Variants in C1orf185 observed in about 807,000 individuals in gnomAD.
The protein encoded by C1orf185 is uncharacterized protein C1orf185.
A neutral mutation model predicts 16.1 loss-of-function variants in C1orf185; 13 were observed. That is an observed-to-expected ratio of 0.81 (90% CI 0.53 to 1.28). The LOEUF is 1.28. Among genes scored for constraint, C1orf185 ranks in the 50% most tolerant of loss-of-function variants. The pLI, the probability that C1orf185 is intolerant of heterozygous loss-of-function variation, is 0.00. For synonymous variants in C1orf185, 80 were observed against 76.9 expected, an observed-to-expected ratio of 1.04 and a Z score of -0.21; for missense variants, 220 against 225.2, an observed-to-expected ratio of 0.98 and a Z score of 0.15.
intron 2 of C1orf185, among the ~76,000 whole-genome samples, chr1:51,118,163 G>A (rs193261074): frequency 1.1e-3 from 160 of 152,140 alleles, no homozygotes; most frequent in African/African-American, 3.5e-3. Context: ...CAAGTGATCC[G>A]CCCGCCTTGA....
At chr1:51,128,898 G>GTTTTT (rs900501387) in intron 3 of C1orf185, among the ~76,000 whole-genome samples, 1 of 151,504 alleles carries the variant, frequency 6.6e-6, no homozygotes, top group African/African-American at 2.4e-5. Flanking sequence ...GTTTTGTTTT[G>GTTTTT]TTTTGAGATG....
Position 51,147,421 on chromosome 1 carries a change from G to A in C1orf185, c.296-46G>A, listed in dbSNP as rs1422539782. On this transcript the variant is annotated intron_variant, in intron 4 of 4. Coordinates refer to ENST00000371759, the MANE Select transcript of C1orf185 (RefSeq NM_001136508.2). ...TCTGACATTGTCCTTATAATTAAGA[G>A]TTGGCTTGTGAATATATAATATTCA... The A allele has an allele frequency of 7.7e-6, 11 of 1,426,808 alleles. No individual in the cohort carries two copies. In the South Asian group the frequency reaches 1.3e-4, roughly 17 times the overall value. The allele number at this position is 1,426,808 out of a possible 1,614,324, so 88.4% of individuals were successfully genotyped here. A position where few individuals can be genotyped will look rare whatever the true frequency, so the allele number is the denominator to read the frequency against.
chr1:51,133,709 A>T (rs914125564), intron 3 of C1orf185, among the ~76,000 whole-genome samples: 1 of 152,250 alleles, frequency 6.6e-6, no homozygotes, highest in Non-Finnish European at 1.5e-5. Flanking sequence ...AATGGGCCTG[A>T]TAGACATCTG....
At chr1:51,118,914 T>G in intron 3 of C1orf185, 113 bp downstream of exon 3, 2 of 860,982 alleles carry the variant, frequency 2.3e-6, no homozygotes, top group Non-Finnish European at 3.2e-6. Context: ...ATTTTTTAAT[T>G]TGAGGGACAA....
Position 51,120,732 on chromosome 1 carries a change from C to T in C1orf185, c.258+1931C>T, listed in dbSNP as rs190023059. Among the ~76,000 whole-genome samples, 394 of 152,242 alleles carry T rather than the reference C, an allele frequency of 2.6e-3. 14 individuals carry two copies. The South Asian group carries it at 0.076, about 30-fold the overall frequency. ...GATATAATAATACCATCATACTTAA[C>T]GATGTATAGACACTAATAGACAATT... is the stretch of plus-strand genomic sequence containing the variant. On this transcript the variant is annotated intron_variant, in intron 3 of 4. Coordinates refer to ENST00000371759, the MANE Select transcript of C1orf185 (RefSeq NM_001136508.2).
downstream of C1orf185, among the ~76,000 whole-genome samples, chr1:51,149,188 G>A (rs1557655520): frequency 6.6e-6 from 1 of 151,522 alleles, no homozygotes; most frequent in Non-Finnish European, 1.5e-5. Context: ...AATCCCCTTG[G>A]GAAAAAACGA....
intron 2 of C1orf185, 36 bp from the exon 3 acceptor site, chr1:51,118,630 C>A: frequency 8.5e-7 from 1 of 1,173,576 alleles, no homozygotes; most frequent in South Asian, 2.3e-5. Flanking sequence ...TAATCTAACT[C>A]AGGTTTAATA....
At chr1:51,143,053 C>T (rs144268588) in intron 3 of C1orf185, among the ~76,000 whole-genome samples, 8 of 152,222 alleles carry the variant, frequency 5.3e-5, no homozygotes, top group Admixed American at 2.0e-4. Context: ...TGTGAGCCAC[C>T]GTGCCCAGCC....
Position 51,132,696 on chromosome 1 carries a change from G to T in C1orf185, c.259-13028G>T, listed in dbSNP as rs74735506. 7.1e-3 allele frequency among the ~76,000 whole-genome samples: 1,073 copies of T among 151,930 alleles called. 7 individuals are homozygous for T. Among genetic ancestry groups the T allele is most frequent in the African/African-American group, 0.026 (1,061 of 41,446 alleles). On this transcript the variant is annotated intron_variant, in intron 3 of 4. Coordinates refer to ENST00000371759, the MANE Select transcript of C1orf185 (RefSeq NM_001136508.2). Reference sequence around the variant, plus strand: ...CAGGATACCATCCATCTCTTTCAGGGGACTACAGAGAACTCCAGTAAGATA... The same window carrying T: ...CAGGATACCATCCATCTCTTTCAGGTGACTACAGAGAACTCCAGTAAGATA...
At position 51,147,685 on chromosome 1, in the gene C1orf185, G is replaced by A; in HGVS notation, c.514G>A (p.Glu172Lys). The A allele has an allele frequency of 6.4e-7, 1 of 1,551,358 alleles. No homozygotes were observed. The highest frequency in any genetic ancestry group is 8.7e-7 in the Non-Finnish European group (1 of 1,146,828). ...GAACTCTCCAATGCCTTCTCTCGGG[G>A]AACCTCTAATGGAAAAAGTATTTTC... ...KRNSPMPSLG[E>K]PLMEKVFSYL... The change falls in exon 5 of 5, where the codon GAA becomes AAA. Residue 172 changes from glutamate (E) to lysine (K), a missense_variant. Transcript: ENST00000371759.
At chr1:51,138,071 G>C (rs1188558100) in intron 3 of C1orf185, among the ~76,000 whole-genome samples, 2 of 152,118 alleles carry the variant, frequency 1.3e-5, no homozygotes, top group Non-Finnish European at 2.9e-5. Context: ...GGTGAGAGAA[G>C]GGAGAGAATC....
chr1:51,126,017 A>G (rs371037573), intron 3 of C1orf185, among the ~76,000 whole-genome samples: 1 of 151,942 alleles, frequency 6.6e-6, no homozygotes, highest in East Asian at 1.9e-4. Flanking sequence ...AAAACAGGGA[A>G]CCCCCTCACT....
At chr1:51,127,885 GTTTT>G (rs769457494) in intron 3 of C1orf185, among the ~76,000 whole-genome samples, 1 of 115,304 alleles carries the variant, frequency 8.7e-6, no homozygotes, top group Non-Finnish European at 1.8e-5. Flanking sequence ...TCTTTTCTTT[GTTTT>G]TTTTTTTTTT....
chr1:51,112,548 G>A lies in C1orf185; in HGVS notation c.101G>A (p.Trp34Ter), dbSNP rs1476200130. 6.5e-7 allele frequency: 1 copy of A among 1,548,340 alleles called. No homozygotes were observed. The highest frequency in any genetic ancestry group is 2.0e-5 in the Admixed American group (1 of 50,634). ...IGFFALASALWFLICKRREIF... is the reference protein window; with the variant it reads ...IGFFALASAL ...TTCTTTGCTTTGGCATCAGCTTTGT[G>A]GTTCCTGATTTGCAAACGAAGGTAA... The change falls in exon 2 of 5, where the codon TGG becomes TAG. Residue 34 changes from tryptophan (W) to a stop codon, truncating the protein, a stop_gained. Coordinates refer to ENST00000371759, the MANE Select transcript of C1orf185 (RefSeq NM_001136508.2). LOFTEE classifies it high-confidence loss of function.
At chr1:51,145,596 T>C (rs2148034222) in intron 3 of C1orf185, 128 bp from the exon 4 acceptor site, 1 of 447,780 alleles carries the variant, frequency 2.2e-6, no homozygotes, top group Non-Finnish European at 3.8e-6. Context: ...AAATTCATAC[T>C]GTGGAAAGAA....
chr1:51,145,175 G>A (rs1015449233), intron 3 of C1orf185, among the ~76,000 whole-genome samples: 6 of 151,722 alleles, frequency 4.0e-5, no homozygotes, highest in East Asian at 1.9e-4. Flanking sequence ...GTATGGTGGC[G>A]CACACCTGCA....
At chr1:51,125,340 GA>G (rs1646232567) in intron 3 of C1orf185, among the ~76,000 whole-genome samples, 1 of 152,168 alleles carries the variant, frequency 6.6e-6, no homozygotes, top group Non-Finnish European at 1.5e-5. Flanking sequence ...GGCTTGTGAG[GA>G]CTTATAAGAA....
At chr1:51,122,432 T>G (rs1177828476) in intron 3 of C1orf185, among the ~76,000 whole-genome samples, 1 of 152,166 alleles carries the variant, frequency 6.6e-6, no homozygotes, top group Non-Finnish European at 1.5e-5. Flanking sequence ...TCTATAGTCT[T>G]CCTACCTAAT....
chr1:51,127,126 G>T (rs575096753), intron 3 of C1orf185, among the ~76,000 whole-genome samples: 11 of 152,122 alleles, frequency 7.2e-5, no homozygotes, highest in Admixed American at 5.2e-4. Context: ...AGAATGCAAA[G>T]AATTTAGATA....
Sources: gnomAD v4.1 joint callset for allele counts (sites outside exome capture counted in the v4.1 genomes callset) on GRCh38, gnomAD v4.1.1 for gene constraint, MANE v1.5 for transcripts, NCBI Gene and HGNC (gene_info 2026-07-23, HGNC 2026-07-21) for gene names.